HECW1: variants seen among roughly 807,000 people sequenced by gnomAD.
HECW1 encodes the protein HECT, C2 and WW domain containing E3 ubiquitin protein ligase 1, also known as E3 ubiquitin-protein ligase HECW1.
In HECW1, 61 loss-of-function variants were observed where a neutral mutation model predicts 182.3. The ratio of observed to expected loss-of-function variants is 0.33; its 90% CI spans 0.27 to 0.41. The LOEUF (loss-of-function observed/expected upper bound fraction) is 0.41, where lower values mean the gene tolerates loss of function less well. Among genes scored for constraint, HECW1 ranks in the 10% least tolerant of loss-of-function variants. HECW1 has a pLI of 1.00. For synonymous variants in HECW1, 859 were observed against 832.6 expected, an observed-to-expected ratio of 1.03 and a Z score of -0.55; for missense variants, 1,739 against 2,108.9, an observed-to-expected ratio of 0.82 and a Z score of 3.44.
intron 26 of HECW1, among the ~76,000 whole-genome samples, chr7:43,544,077 G>GA (rs1482684477): frequency 1.3e-5 from 2 of 152,000 alleles, no homozygotes; most frequent in East Asian, 3.9e-4. Context: ...TTTAAAAAAG[G>GA]AAAAAAGAGA....
At chr7:43,417,741 A>G (rs558638491) in intron 8 of HECW1, among the ~76,000 whole-genome samples, 1 of 152,322 alleles carries the variant, frequency 6.6e-6, no homozygotes, top group South Asian at 2.1e-4. Flanking sequence ...TGGTCTCCAT[A>G]GTTTCCAATA....
intron 19 of HECW1, among the ~76,000 whole-genome samples, chr7:43,495,942 A>G (rs2079104357): frequency 6.6e-6 from 1 of 152,072 alleles, no homozygotes; most frequent in African/African-American, 2.4e-5. Flanking sequence ...AAGAATTTCA[A>G]CTCACCAAAG....
intron 3 of HECW1, among the ~76,000 whole-genome samples, chr7:43,276,783 C>A (rs1803210384): frequency 6.6e-6 from 1 of 152,206 alleles, no homozygotes; most frequent in Admixed American, 6.5e-5. Flanking sequence ...TCCTGAGGAG[C>A]AAGTTCTTTA....
chr7:43,304,413 C>T (rs1218523619), intron 3 of HECW1, among the ~76,000 whole-genome samples: 3 of 152,152 alleles, frequency 2.0e-5, no homozygotes, highest in African/African-American at 7.2e-5. Context: ...TCCAGGTGCA[C>T]CCCAGCCCAC....
rs2077139085 is a variant in HECW1 at position 43,448,646 on chromosome 7, A to G, written c.2399-2182A>G. 3.3e-5 allele frequency among the ~76,000 whole-genome samples: 5 copies of G among 152,256 alleles called. No individual in the cohort carries two copies. The South Asian group carries it at 1.0e-3, about 32-fold the overall frequency. ...AGGGTAACTGTTTATATTATGTTGT[A>G]TAAAGCATCTAAAACAATCCTTTGA... On this transcript the variant is annotated intron_variant, in intron 11 of 29. Transcript: ENST00000395891.
At chr7:43,360,755 A>G in intron 5 of HECW1, 131 bp from the exon 6 acceptor site, 6 of 706,660 alleles carry the variant, frequency 8.5e-6, no homozygotes, top group Non-Finnish European at 1.5e-5. Flanking sequence ...GAGGAGCATC[A>G]TTGTCGAGTG....
chr7:43,481,287 T>C (rs1223901376), intron 17 of HECW1, among the ~76,000 whole-genome samples: 1 of 152,228 alleles, frequency 6.6e-6, no homozygotes, highest in South Asian at 2.1e-4. Flanking sequence ...TTATAGGGAA[T>C]AAATTCAAAA....
intron 2 of HECW1, among the ~76,000 whole-genome samples, chr7:43,142,303 T>A (rs1788237419): frequency 6.6e-6 from 1 of 152,186 alleles, no homozygotes; most frequent in Non-Finnish European, 1.5e-5. Context: ...ATCAGCACTT[T>A]TAAACAAGTT....
At position 43,524,768 on chromosome 7, in the gene HECW1, T is replaced by C. The variant is rs551665392; in HGVS notation, c.4019+15647T>C. Among the ~76,000 whole-genome samples, 3 of 152,356 alleles carry C rather than the reference T, an allele frequency of 2.0e-5. No individual in the cohort carries two copies. The East Asian group carries it at 5.8e-4, about 29-fold the overall frequency. On this transcript the variant is annotated intron_variant, in intron 24 of 29. Transcript: ENST00000395891. ...CTGTGGAGACCCAGGTTTGGGGCTA[T>C]TGTTTCACCTCTAGCTCTCCCGTGT...
At chr7:43,153,301 A>G (rs1789540382) in intron 2 of HECW1, among the ~76,000 whole-genome samples, 1 of 152,084 alleles carries the variant, frequency 6.6e-6, no homozygotes, top group South Asian at 2.1e-4. Flanking sequence ...CTGTCTGGTC[A>G]GCATTGGAAA....
At chr7:43,551,106 A>G (rs2081809019) in intron 27 of HECW1, among the ~76,000 whole-genome samples, 1 of 152,210 alleles carries the variant, frequency 6.6e-6, no homozygotes, top group Admixed American at 6.5e-5. Context: ...ACCAGAGGCT[A>G]TAAACGTTTT....
At chr7:43,237,211 A>G (rs1798458574) in intron 2 of HECW1, among the ~76,000 whole-genome samples, 1 of 152,148 alleles carries the variant, frequency 6.6e-6, no homozygotes, top group African/African-American at 2.4e-5. Flanking sequence ...TGTTTGCCTA[A>G]TGGAAGCTGG....
Position 43,456,293 on chromosome 7 carries a change from C to T in HECW1, c.2501-4C>T. Reference sequence around the variant, plus strand: ...TTTCTTTTTGCCTTTTTATTAAACACTAGACTGGGAAGCTCGAATTGACAG... The same window carrying T: ...TTTCTTTTTGCCTTTTTATTAAACATTAGACTGGGAAGCTCGAATTGACAG... On this transcript the variant is annotated splice_polypyrimidine_tract_variant and splice_region_variant and intron_variant, in intron 12 of 29. Coordinates refer to ENST00000395891, the MANE Select transcript of HECW1 (RefSeq NM_015052.5). 6.2e-7 allele frequency: 1 copy of T among 1,606,608 alleles called. No homozygotes were observed. The highest frequency in any genetic ancestry group is 8.5e-7 in the Non-Finnish European group (1 of 1,175,078).
At chr7:43,380,973 T>C (rs986519136) in intron 6 of HECW1, among the ~76,000 whole-genome samples, 1 of 152,236 alleles carries the variant, frequency 6.6e-6, no homozygotes, top group African/African-American at 2.4e-5. Context: ...GTATGAGAGC[T>C]CCAGTTGTTC....
At chr7:43,465,494 GC>G (rs2077733043) in intron 14 of HECW1, among the ~76,000 whole-genome samples, 1 of 152,218 alleles carries the variant, frequency 6.6e-6, no homozygotes, top group Non-Finnish European at 1.5e-5. Flanking sequence ...CATGGCAGTG[GC>G]AGGGTTACCA....
intron 24 of HECW1, among the ~76,000 whole-genome samples, chr7:43,515,530 A>G (rs764580156): frequency 6.6e-6 from 1 of 152,372 alleles, no homozygotes; most frequent in South Asian, 2.1e-4. Flanking sequence ...ACTTGGTGAT[A>G]GATTATAAAT....
Position 43,244,662 on chromosome 7 carries a change from C to G in HECW1, c.27+730C>G, listed in dbSNP as rs185037796. ...GAGGGTTGAGTGGCTGCTCTGAAGTCTCCCAGTGGGTAACTGAGGAGCATT... is the reference window on the plus strand; with the variant it reads ...GAGGGTTGAGTGGCTGCTCTGAAGTGTCCCAGTGGGTAACTGAGGAGCATT... On this transcript the variant is annotated intron_variant, in intron 3 of 29. Coordinates refer to ENST00000395891, the MANE Select transcript of HECW1 (RefSeq NM_015052.5). Among the ~76,000 whole-genome samples the G allele has an allele frequency of 2.5e-4, 38 of 152,306 alleles. No individual in the cohort carries two copies. The East Asian group carries it at 5.2e-3, about 21-fold the overall frequency.
At chr7:43,230,196 C>A (rs940350607) in intron 2 of HECW1, among the ~76,000 whole-genome samples, 6 of 152,176 alleles carry the variant, frequency 3.9e-5, no homozygotes, top group African/African-American at 1.4e-4. Context: ...AGTTTGAGAC[C>A]AGCCTGGCCA....
chr7:43,552,196 A>T, intron 27 of HECW1, 26 bp from the exon 28 acceptor site: 1 of 1,423,764 alleles, frequency 7.0e-7, no homozygotes, highest in Non-Finnish European at 1.0e-6. Context: ...TTGGACCTGG[A>T]TGCTGAAGCC....
Sources: gnomAD v4.1 joint callset for allele counts (sites outside exome capture counted in the v4.1 genomes callset) on GRCh38, gnomAD v4.1.1 for gene constraint, MANE v1.5 for transcripts, NCBI Gene and HGNC (gene_info 2026-07-23, HGNC 2026-07-21) for gene names.